Variants in DMD observed in about 807,000 individuals in gnomAD.
DMD encodes the protein mutant dystrophin.
In DMD, 63 loss-of-function variants were observed where a neutral mutation model predicts 330.1. The ratio of observed to expected loss-of-function variants is 0.19; its 90% CI spans 0.16 to 0.24. DMD has a LOEUF of 0.24. Among genes scored for constraint, DMD ranks in the 10% least tolerant of loss-of-function variants. DMD has a pLI of 1.00. For missense variants in DMD, 3,344 were observed against 2,684.1 expected (o/e 1.25, Z -5.43); for synonymous variants, 1,223 against 959.8 (o/e 1.27, Z -5.07).
chrX:32,753,276 A>G (rs762102209), intron 7 of DMD, among the ~76,000 whole-genome samples: 6 of 112,202 alleles, frequency 5.3e-5, no homozygotes, highest in African/African-American at 1.9e-4. Flanking sequence ...TACAATCATA[A>G]TTATGCTGGT....
intron 47 of DMD, among the ~76,000 whole-genome samples, chrX:31,885,258 T>G (rs1297068780): frequency 9.0e-6 from 1 of 111,433 alleles, no homozygotes; most frequent in African/African-American, 3.3e-5. Context: ...TGACTTCATA[T>G]TCTACTCTTT....
chrX:32,787,270 G>GAGAGAA (rs1557030829), intron 7 of DMD, among the ~76,000 whole-genome samples: 13 of 94,861 alleles, frequency 1.4e-4, no homozygotes, highest in African/African-American at 5.7e-4. Context: ...GAGAGAGAGA[G>GAGAGAA]AGAAAGAGAG....
chrX:31,284,191 T>C (rs1038231915), intron 62 of DMD, among the ~76,000 whole-genome samples: 4 of 111,883 alleles, frequency 3.6e-5, no homozygotes, highest in African/African-American at 1.3e-4. Flanking sequence ...ACCTGAAGTA[T>C]GGTTTCTACT....
chrX:31,524,514 T>C, intron 55 of DMD, among the ~76,000 whole-genome samples: 1 of 111,939 alleles, frequency 8.9e-6, no homozygotes, highest in Non-Finnish European at 1.9e-5. Flanking sequence ...CATGGAGCTC[T>C]CACTCAGCCA....
At chrX:32,357,777 T>G (rs2097810334) in intron 37 of DMD, among the ~76,000 whole-genome samples, 1 of 110,861 alleles carries the variant, frequency 9.0e-6, no homozygotes, top group African/African-American at 3.3e-5. Context: ...CTCTTCACAC[T>G]GTGTCTAGCC....
rs748188378 is a variant in DMD, at chrX:33,171,727, T to C, written c.31+39555A>G. 5.4e-5 allele frequency among the ~76,000 whole-genome samples: 6 copies of C among 111,765 alleles called. No individual in the cohort carries two copies. The East Asian group carries it at 1.1e-3, about 21-fold the overall frequency. ...TTTATTAAATTAGAGTGGTCAGATATACTTTTACTGACAGAGATTTGGATT... is the reference window on the plus strand; with the variant it reads ...TTTATTAAATTAGAGTGGTCAGATACACTTTTACTGACAGAGATTTGGATT... On this transcript the variant is annotated intron_variant, in intron 1 of 78. Coordinates refer to ENST00000357033, the MANE Select transcript of DMD (RefSeq NM_004006.3).
At chrX:33,338,626 G>A (rs2054291228) in intron 1 of DMD, among the ~76,000 whole-genome samples, 1 of 111,064 alleles carries the variant, frequency 9.0e-6, no homozygotes, top group African/African-American at 3.3e-5. Flanking sequence ...CAGCTGGGTC[G>A]ACATCAACTT....
intron 13 of DMD, among the ~76,000 whole-genome samples, chrX:32,590,372 T>A (rs981397299): frequency 9.0e-6 from 1 of 111,640 alleles, no homozygotes; most frequent in African/African-American, 3.3e-5. Context: ...CGGTTAATAT[T>A]ATGTGTCAAC....
At chrX:32,404,719 T>C (rs1333891674) in intron 30 of DMD, among the ~76,000 whole-genome samples, 1 of 111,628 alleles carries the variant, frequency 9.0e-6, no homozygotes, top group East Asian at 2.8e-4. Flanking sequence ...TCTTTGTAAT[T>C]TTAAAAATTG....
At chrX:32,808,293 C>G (rs988672962) in intron 7 of DMD, among the ~76,000 whole-genome samples, 1 of 112,208 alleles carries the variant, frequency 8.9e-6, no homozygotes, top group African/African-American at 3.2e-5. Context: ...CCCAACTTCA[C>G]AAACTAACAT....
At chrX:32,452,409 G>A (rs1304508895) in intron 26 of DMD, among the ~76,000 whole-genome samples, 2 of 20,417 alleles carry the variant, frequency 9.8e-5, no homozygotes, top group Middle Eastern at 0.021. Context: ...GGAAAGGAAA[G>A]GGAAAGGGAA....
At chrX:31,548,281 A>G (rs1003957301) in intron 55 of DMD, among the ~76,000 whole-genome samples, 1 of 111,586 alleles carries the variant, frequency 9.0e-6, no homozygotes. Context: ...CAGACCTGCT[A>G]AATCAGAATC....
intron 44 of DMD, among the ~76,000 whole-genome samples, chrX:32,168,128 C>T (rs1178588761): frequency 2.7e-5 from 3 of 111,656 alleles, no homozygotes; most frequent in Non-Finnish European, 5.6e-5. Flanking sequence ...TATGAAGTAC[C>T]CTGTTAAAGT....
chrX:31,477,863 G>A (rs1305083254), intron 59 of DMD, among the ~76,000 whole-genome samples: 1 of 110,775 alleles, frequency 9.0e-6, no homozygotes, highest in African/African-American at 3.3e-5. Context: ...TAATATCAAA[G>A]TCAAAGTGAT....
At chrX:31,354,618 C>T (rs1431779706) in intron 60 of DMD, among the ~76,000 whole-genome samples, 1 of 111,703 alleles carries the variant, frequency 9.0e-6, no homozygotes, top group Admixed American at 9.6e-5. Context: ...TATTATTCTC[C>T]TTGGTCTTCT....
chrX:32,489,101 T>C (rs147894710), intron 20 of DMD, among the ~76,000 whole-genome samples: 1 of 111,195 alleles, frequency 9.0e-6, no homozygotes, highest in African/African-American at 3.3e-5. Context: ...CCACTGTTCC[T>C]AGCAGGAAAT....
chrX:33,337,147 CCTT>C (rs1035446668), intron 1 of DMD, among the ~76,000 whole-genome samples: 3 of 111,443 alleles, frequency 2.7e-5, no homozygotes, highest in African/African-American at 6.5e-5. Context: ...AAAAGAAAAA[CCTT>C]CTTTTAAAAG....
intron 45 of DMD, among the ~76,000 whole-genome samples, chrX:31,964,008 A>T: frequency 9.0e-6 from 1 of 111,378 alleles, no homozygotes; most frequent in South Asian, 3.8e-4. Flanking sequence ...AAGTAATAAA[A>T]CTTTGCAGCA....
chrX:32,577,720 T>C (rs190425252), intron 13 of DMD, among the ~76,000 whole-genome samples: 1 of 112,268 alleles, frequency 8.9e-6, no homozygotes, highest in Non-Finnish European at 1.9e-5. Context: ...CATGAACACA[T>C]ATCCTTTAGT....
Sources: allele counts gnomAD v4.1 joint callset (sites outside exome capture counted in the v4.1 genomes callset), GRCh38; gene constraint gnomAD v4.1.1; transcripts MANE v1.5; gene names NCBI Gene and HGNC (gene_info 2026-07-23, HGNC 2026-07-21).